CDC14A: variants seen among roughly 807,000 people sequenced by gnomAD.
CDC14A encodes cell division cycle 14A.
Under a neutral mutation model 74.4 loss-of-function variants are expected in CDC14A, and 53 were observed. That is an observed-to-expected ratio of 0.71 (90% CI 0.57 to 0.89). The LOEUF is 0.89. CDC14A is among the 40% of genes least tolerant of loss of function. The probability of loss-of-function intolerance (pLI) is 0.00; values close to 1 mark genes in which losing one functional copy is unlikely to be tolerated. For missense variants in CDC14A, 646 were observed against 713.7 expected (o/e 0.91, Z 1.08); for synonymous variants, 247 against 258.4 (o/e 0.96, Z 0.43).
chr1:100,486,154 A>G lies in CDC14A; in HGVS notation c.1137+1703A>G, dbSNP rs1287473261. ...GTACAAGTAAATAGGGCTTTGAGTT[A>G]TGAACTCTGAAAAGACAAACATAAA... is the stretch of plus-strand genomic sequence containing the variant. On this transcript the variant is annotated intron_variant, in intron 11 of 15. Coordinates refer to ENST00000336454, the MANE Select transcript of CDC14A (RefSeq NM_003672.4). 2.6e-5 allele frequency among the ~76,000 whole-genome samples: 4 copies of G among 152,200 alleles called. No homozygotes were observed. The South Asian group carries it at 6.2e-4, about 24-fold the overall frequency.
Position 100,449,634 on chromosome 1 carries a change from T to TG in CDC14A, c.520-5770dup, listed in dbSNP as rs543324653. ...CTCAACCCCATGGAAGCTCTTCTCATGTAGCCTTGTGTGGTACTCTGTTTA... is the reference window on the plus strand; with the variant it reads ...CTCAACCCCATGGAAGCTCTTCTCATGGTAGCCTTGTGTGGTACTCTGTTTA... On this transcript the variant is annotated intron_variant, in intron 7 of 15. Transcript: ENST00000336454. Among the ~76,000 whole-genome samples the TG allele has an allele frequency of 3.2e-3, 484 of 152,364 alleles. 6 individuals carry two copies. The highest frequency in any genetic ancestry group is 0.011 in the African/African-American group (473 of 41,590).
intron 2 of CDC14A, among the ~76,000 whole-genome samples, chr1:100,372,484 T>C (rs373504345): frequency 6.6e-6 from 1 of 152,238 alleles, no homozygotes; most frequent in African/African-American, 2.4e-5. Flanking sequence ...TCAATAATAT[T>C]CACAGCATCT....
At chr1:100,407,541 A>G (rs1660114673) in intron 4 of CDC14A, among the ~76,000 whole-genome samples, 1 of 152,174 alleles carries the variant, frequency 6.6e-6, no homozygotes, top group African/African-American at 2.4e-5. Flanking sequence ...TGATTTTTGC[A>G]CATTGATTTT....
chr1:100,471,362 T>A (rs894309847), intron 10 of CDC14A, among the ~76,000 whole-genome samples: 6 of 149,038 alleles, frequency 4.0e-5, no homozygotes, highest in African/African-American at 1.0e-4. Flanking sequence ...AGGAGCACAA[T>A]CAGTTGTAAT....
chr1:100,389,475 G>A (rs976134342), intron 3 of CDC14A, among the ~76,000 whole-genome samples: 21 of 140,754 alleles, frequency 1.5e-4, no homozygotes, highest in East Asian at 5.8e-4. Flanking sequence ...ATATATATAT[G>A]TGTATATATA....
chr1:100,347,943 C>G (rs921824197), upstream of CDC14A, among the ~76,000 whole-genome samples: 8 of 152,208 alleles, frequency 5.3e-5, no homozygotes, highest in South Asian at 1.0e-3. Context: ...AGCTGTCAGG[C>G]CTTTGACAAT....
chr1:100,349,416 T>C (rs977351250), upstream of CDC14A, among the ~76,000 whole-genome samples: 1 of 152,214 alleles, frequency 6.6e-6, no homozygotes, highest in African/African-American at 2.4e-5. Context: ...TTATCTTCCC[T>C]TGTAGACTGT....
intron 7 of CDC14A, among the ~76,000 whole-genome samples, chr1:100,454,456 A>G (rs998816990): frequency 6.6e-6 from 1 of 151,968 alleles, no homozygotes; most frequent in African/African-American, 2.4e-5. Flanking sequence ...ATGACTGCAA[A>G]ATTTGGGGTA....
At chr1:100,346,309 A>G (rs781734294) in intron 1 of CDC14A, among the ~76,000 whole-genome samples, 2 of 152,180 alleles carry the variant, frequency 1.3e-5, no homozygotes, top group African/African-American at 4.8e-5. Flanking sequence ...TTTGGAGTAA[A>G]AATGTTCACT....
At chr1:100,348,741 T>C (rs1463771892), upstream of CDC14A, among the ~76,000 whole-genome samples, 3 of 152,244 alleles carry the variant, frequency 2.0e-5, no homozygotes, top group Admixed American at 6.5e-5. Context: ...AGGGTGATCA[T>C]AGGTCCTGCA....
chr1:100,462,999 T>C, intron 9 of CDC14A, 118 bp downstream of exon 9: 1 of 704,608 alleles, frequency 1.4e-6, no homozygotes. Context: ...GGTTTTAAAT[T>C]TCAGACAACT....
intron 4 of CDC14A, among the ~76,000 whole-genome samples, chr1:100,413,797 G>A (rs1032007210): frequency 6.6e-6 from 1 of 152,120 alleles, no homozygotes; most frequent in Non-Finnish European, 1.5e-5. Flanking sequence ...GAAATCAGCT[G>A]TAATCACAAT....
intron 3 of CDC14A, among the ~76,000 whole-genome samples, chr1:100,383,173 C>G (rs898365535): frequency 1.3e-5 from 2 of 152,170 alleles, no homozygotes; most frequent in African/African-American, 2.4e-5. Flanking sequence ...GTTTGCAAGG[C>G]AAGAACCCCT....
intron 8 of CDC14A, among the ~76,000 whole-genome samples, chr1:100,459,099 A>ACG (rs138246650): frequency 5.0e-5 from 6 of 120,174 alleles, no homozygotes; most frequent in East Asian, 2.6e-4. Context: ...ACACACACAC[A>ACG]CGCACACACA....
chr1:100,412,723 T>TATATATATATATA (rs1491148182), intron 4 of CDC14A, among the ~76,000 whole-genome samples: 4 of 83,756 alleles, frequency 4.8e-5, no homozygotes, highest in African/African-American at 4.0e-4. Flanking sequence ...TATATATATA[T>TATATATATATATA]TTTATATATA....
chr1:100,420,063 C>CATATATATATATATATATATATATAT lies in CDC14A; in HGVS notation c.310-4140_310-4139insTATATATATATATATATATATATATA, dbSNP rs1553180578. On this transcript the variant is annotated intron_variant, in intron 4 of 15. Coordinates refer to ENST00000336454, the MANE Select transcript of CDC14A (RefSeq NM_003672.4). Reference sequence around the variant, plus strand: ...ACACACACACACACACACACACACACATATATATATATATATATAGTGTGT... The same window carrying CATATATATATATATATATATATATAT: ...ACACACACACACACACACACACACACATATATATATATATATATATATATATATATATATATATATATATAGTGTGT... Among the ~76,000 whole-genome samples the CATATATATATATATATATATATATAT allele has an allele frequency of 2.5e-3, 153 of 61,504 alleles. 2 individuals carry two copies. The highest frequency in any genetic ancestry group is 4.4e-3 in the Non-Finnish European group (115 of 26,094). The allele number at this position is 61,504 out of a possible 152,430, so 40.3% of individuals were successfully genotyped here. A position where few individuals can be genotyped will look rare whatever the true frequency, so the allele number is the denominator to read the frequency against.
At chr1:100,505,846 T>C (rs1457889455) in intron 15 of CDC14A, among the ~76,000 whole-genome samples, 1 of 152,196 alleles carries the variant, frequency 6.6e-6, no homozygotes, top group East Asian at 1.9e-4. Context: ...TGTACGAGCA[T>C]GGCACCAACA....
chr1:100,480,040 T>C (rs1398399153), intron 10 of CDC14A, among the ~76,000 whole-genome samples: 1 of 152,192 alleles, frequency 6.6e-6, no homozygotes, highest in Non-Finnish European at 1.5e-5. Context: ...ATATGTATAA[T>C]TCAGTGACTT....
chr1:100,519,327 A>G lies in CDC14A; in HGVS notation c.*1047A>G, dbSNP rs1355432822. 6.6e-6 allele frequency: 1 copy of G among 152,140 alleles called. No homozygotes were observed. Among genetic ancestry groups the G allele is most frequent in the Non-Finnish European group, 1.5e-5 (1 of 67,976 alleles). 9.4% of individuals were successfully genotyped at this position (152,140 alleles called of 1,614,324 possible). On this transcript the variant is annotated 3_prime_UTR_variant, in exon 16 of 16. Transcript: ENST00000336454. ...GGTACAACCCCCTGCTGCACACGCT[A>G]GCATATCTGGAACCTACTATGAAAA...
Sources: allele counts gnomAD v4.1 joint callset (sites outside exome capture counted in the v4.1 genomes callset), GRCh38; gene constraint gnomAD v4.1.1; transcripts MANE v1.5; gene names NCBI Gene and HGNC (gene_info 2026-07-23, HGNC 2026-07-21).